Variants in MTIF2 observed in about 807,000 individuals in gnomAD.
MTIF2 encodes translation initiation factor IF-2, mitochondrial.
In MTIF2, 71 loss-of-function variants were observed where a neutral mutation model predicts 83.5. The ratio of observed to expected loss-of-function variants is 0.85; its 90% CI spans 0.70 to 1.04. MTIF2 has a LOEUF of 1.04. MTIF2 is among the 50% of genes least tolerant of loss of function. The pLI, the probability that MTIF2 is intolerant of heterozygous loss-of-function variation, is 0.00. For missense variants in MTIF2, 957 were observed against 846.5 expected (o/e 1.13, Z -1.62); for synonymous variants, 319 against 287.1 (o/e 1.11, Z -1.12).
intron 9 of MTIF2, among the ~76,000 whole-genome samples, chr2:55,247,658 C>T (rs751045300): frequency 3.2e-4 from 48 of 152,170 alleles, no homozygotes; most frequent in Non-Finnish European, 5.9e-4. Context: ...AGTATTTATT[C>T]CAATTTACAA....
chr2:55,254,111 G>C lies in MTIF2; in HGVS notation c.594C>G (p.Asp198Glu), dbSNP rs1435113359. 6.2e-6 allele frequency: 10 copies of C among 1,614,026 alleles called. No homozygotes were observed. Among genetic ancestry groups the C allele is most frequent in the Non-Finnish European group, 8.5e-6 (10 of 1,180,010 alleles). Residue 198 changes from aspartate to glutamate, a missense_variant, in exon 7 of 16, where the codon GAC becomes GAG. Coordinates refer to ENST00000263629, the MANE Select transcript of MTIF2 (RefSeq NM_002453.3). ...CTGCCACTTGAGTTTTTCGAAATTT[G>C]TCAAGTAATGTCGTTTTCCCGTGAT... ...HVDHGKTTLL[D>E]KFRKTQVAAV...
intron 2 of MTIF2, among the ~76,000 whole-genome samples, chr2:55,267,978 C>A (rs555349275): frequency 2.0e-5 from 3 of 152,098 alleles, no homozygotes; most frequent in Admixed American, 6.6e-5. Context: ...TCAGGCTGGG[C>A]GTGATGGCTC....
chr2:55,261,270 T>C (rs1677963203), intron 5 of MTIF2, among the ~76,000 whole-genome samples: 2 of 152,300 alleles, frequency 1.3e-5, no homozygotes, highest in Non-Finnish European at 2.9e-5. Context: ...CGTGCCTGGC[T>C]ACTACCAGTA....
intron 9 of MTIF2, 129 bp downstream of exon 9, chr2:55,249,266 G>C (rs1261782678): frequency 8.4e-7 from 1 of 1,186,392 alleles, no homozygotes; most frequent in East Asian, 2.5e-5. Flanking sequence ...ATCTTTGCCT[G>C]GCACCAAGAA....
chr2:55,263,560 A>G, intron 4 of MTIF2, 80 bp downstream of exon 4: 2 of 1,097,984 alleles, frequency 1.8e-6, no homozygotes, highest in South Asian at 1.5e-5. Context: ...CGGTGAGCTG[A>G]GATCGCGCCA....
At position 55,244,010 on chromosome 2, in the gene MTIF2, G is replaced by C; in HGVS notation, c.1311+19C>G. ...ATCATTATATTATATCTAATATATAGGAATTAAGCTTGATACACCTCAGAT... is the reference window on the plus strand; with the variant it reads ...ATCATTATATTATATCTAATATATACGAATTAAGCTTGATACACCTCAGAT... On this transcript the variant is annotated intron_variant, in intron 11 of 15. Coordinates refer to ENST00000263629, the MANE Select transcript of MTIF2 (RefSeq NM_002453.3). 1 of 1,582,704 alleles carries C rather than the reference G, an allele frequency of 6.3e-7. No homozygotes were observed. The highest frequency in any genetic ancestry group is 8.6e-7 in the Non-Finnish European group (1 of 1,156,672).
At position 55,252,637 on chromosome 2, in the gene MTIF2, C is replaced by T. The variant is rs754456815; in HGVS notation, c.681G>A (p.Gly227=). ...IGAFLVSLPS[G]EKITFLDTPG... is the part of the protein sequence containing the mutation. Reference sequence around the variant, plus strand: ...GAGTATCAAGAAAAGTTATCTTTTCCCCAGAAGGCAGAGAGACTGTGGAAA... The same window carrying T: ...GAGTATCAAGAAAAGTTATCTTTTCTCCAGAAGGCAGAGAGACTGTGGAAA... Residue 227 remains glycine (G), a synonymous_variant, in exon 8 of 16, where the codon GGG becomes GGA. Transcript: ENST00000263629. 14 of 1,612,684 alleles carry T rather than the reference C, an allele frequency of 8.7e-6. No individual in the cohort carries two copies. In the East Asian group the frequency reaches 2.5e-4, roughly 28 times the overall value.
At chr2:55,257,213 C>G (rs1018279077) in intron 5 of MTIF2, among the ~76,000 whole-genome samples, 1 of 152,142 alleles carries the variant, frequency 6.6e-6, no homozygotes, top group African/African-American at 2.4e-5. Context: ...GGTGCGGTGG[C>G]TCACACCTAT....
chr2:55,242,362 G>A (rs1015940136), intron 13 of MTIF2, among the ~76,000 whole-genome samples: 1 of 152,040 alleles, frequency 6.6e-6, no homozygotes, highest in Non-Finnish European at 1.5e-5. Flanking sequence ...CTCAACAAAT[G>A]TTTTTGCTTT....
chr2:55,258,022 G>A (rs1234353917), intron 5 of MTIF2, among the ~76,000 whole-genome samples: 1 of 152,124 alleles, frequency 6.6e-6, no homozygotes, highest in Non-Finnish European at 1.5e-5. Flanking sequence ...AAACTCTTGG[G>A]CTCAAGCGAT....
At chr2:55,255,782 A>C (rs1182198320) in intron 5 of MTIF2, among the ~76,000 whole-genome samples, 2 of 152,272 alleles carry the variant, frequency 1.3e-5, no homozygotes, top group Admixed American at 6.5e-5. Flanking sequence ...CACCTCATTC[A>C]ACCTCAGCTT....
chr2:55,261,874 G>A (rs1156558063), intron 5 of MTIF2, among the ~76,000 whole-genome samples: 1 of 149,532 alleles, frequency 6.7e-6, no homozygotes, highest in African/African-American at 2.5e-5. Context: ...AGGAGGCCAA[G>A]GCTGCAGTGA....
chr2:55,265,542 C>T (rs962177330), intron 3 of MTIF2, among the ~76,000 whole-genome samples: 4 of 151,706 alleles, frequency 2.6e-5, no homozygotes, highest in African/African-American at 9.7e-5. Flanking sequence ...TGTCTGTTTG[C>T]TTTTCAATGG....
chr2:55,240,160 A>C lies in MTIF2; in HGVS notation c.1721T>G (p.Phe574Cys). ...AETFDGVIYG[F>C]NVNAGNVIQQ... is the part of the protein sequence containing the mutation. ...GATAACATTGCCTGCATTCACATTA[A>C]AGCCATATATAACACCTAGCAAACA... Residue 574 changes from phenylalanine to cysteine, a missense_variant, in exon 14 of 16, where the codon TTT becomes TGT. By Grantham distance (205) the Phe-to-Cys change is radical. Around this residue, in one of 3 missense-constraint regions of MTIF2, gnomAD observed 221 missense variants for 180.6 expected, o/e 1.22. Coordinates refer to ENST00000263629, the MANE Select transcript of MTIF2 (RefSeq NM_002453.3). The C allele has an allele frequency of 6.2e-7, 1 of 1,613,520 alleles. No homozygotes were observed. The highest frequency in any genetic ancestry group is 8.5e-7 in the Non-Finnish European group (1 of 1,179,552).
At position 55,254,725 on chromosome 2, in the gene MTIF2, C is replaced by T. The variant is rs541329129; in HGVS notation, c.432G>A (p.Lys144=). The T allele has an allele frequency of 1.9e-5, 31 of 1,610,512 alleles. No individual in the cohort carries two copies. The South Asian group carries it at 3.2e-4, about 17-fold the overall frequency. ...TACTCCACTTTAACTTCATCCCTGCCTTCGTTATCACTTCTTTGATCCAGA... is the reference window on the plus strand; with the variant it reads ...TACTCCACTTTAACTTCATCCCTGCTTTCGTTATCACTTCTTTGATCCAGA... The part of the protein sequence containing the change: ...DEVWIKEVIT[K]AGMKLKWSKL... The change falls in exon 6 of 16, where the codon AAG becomes AAA. Residue 144 remains lysine, a synonymous_variant. Transcript: ENST00000263629.
chr2:55,259,670 C>G (rs1022898550), intron 5 of MTIF2, among the ~76,000 whole-genome samples: 1 of 152,180 alleles, frequency 6.6e-6, no homozygotes, highest in African/African-American at 2.4e-5. Flanking sequence ...TTTTGCCAGG[C>G]GCAGTGGCTC....
chr2:55,249,270 C>T, intron 9 of MTIF2, 125 bp downstream of exon 9: 2 of 1,260,880 alleles, frequency 1.6e-6, no homozygotes, highest in African/African-American at 1.5e-5. Flanking sequence ...TTGCCTGGCA[C>T]CAAGAAAACT....
At chr2:55,253,515 C>A (rs1677263162) in intron 7 of MTIF2, among the ~76,000 whole-genome samples, 1 of 151,856 alleles carries the variant, frequency 6.6e-6, no homozygotes, top group Non-Finnish European at 1.5e-5. Context: ...CCCGTCTCTA[C>A]TAAAAATACA....
intron 12 of MTIF2, 113 bp from the exon 13 acceptor site, chr2:55,243,193 C>T: frequency 8.4e-7 from 1 of 1,192,840 alleles, no homozygotes; most frequent in Non-Finnish European, 1.2e-6. Context: ...ATCACTAAAT[C>T]CACTTTTATT....
Sources: allele counts gnomAD v4.1 joint callset (sites outside exome capture counted in the v4.1 genomes callset), GRCh38; gene constraint gnomAD v4.1.1; regional missense constraint gnomAD v4.1.1; transcripts MANE v1.5; gene names NCBI Gene and HGNC (gene_info 2026-07-23, HGNC 2026-07-21).